Variants in ZNF780A observed in about 807,000 individuals in gnomAD.
ZNF780A encodes zinc finger protein 780A.
A neutral mutation model predicts 56.7 loss-of-function variants in ZNF780A; 40 were observed. The ratio of observed to expected loss-of-function variants is 0.71; its 90% confidence interval spans 0.55 to 0.92. ZNF780A has a LOEUF of 0.92. Among genes scored for constraint, ZNF780A ranks in the 40% least tolerant of loss-of-function variants. The pLI, the probability that ZNF780A is intolerant of heterozygous loss-of-function variation, is 0.00. For missense variants in ZNF780A, 672 were observed against 783.3 expected (o/e 0.86, Z 1.70); for synonymous variants, 231 against 248.3 (o/e 0.93, Z 0.66).
intron 3 of ZNF780A, among the ~76,000 whole-genome samples, chr19:40,084,114 C>T (rs1011609082): frequency 5.9e-5 from 9 of 151,904 alleles, no homozygotes; most frequent in African/African-American, 2.2e-4. Flanking sequence ...CCATGTTGGC[C>T]AGGCTGGTCT....
rs769361697 is a variant in ZNF780A, at chr19:40,076,105, T to G, written c.337A>C (p.Ile113Leu). Residue 113 changes from isoleucine to leucine, a missense_variant, in exon 6 of 6, where the codon ATT (isoleucine) becomes CTT (leucine). Physicochemically the swap from Ile to Leu is conservative, Grantham distance 5 (BLOSUM62 2). Coordinates refer to ENST00000683561, the MANE Select transcript of ZNF780A (RefSeq NM_001142578.2). ...TCATTTCTAAAATAAAAGGCCTCAA[T>G]GCCAAGAGTTGTACTTATTTGCTTT... ...VIKQISTTLG[I>L]EAFYFRNDSE... The G allele has an allele frequency of 1.9e-6, 3 of 1,613,762 alleles. No individual in the cohort carries two copies. Among genetic ancestry groups the G allele is most frequent in the South Asian group, 1.1e-5 (1 of 91,002 alleles).
Position 40,075,362 on chromosome 19 carries a change from G to A in ZNF780A, c.1080C>T (p.Pro360=), listed in dbSNP as rs1406058394. 2 of 1,613,644 alleles carry A rather than the reference G, an allele frequency of 1.2e-6. No homozygotes were observed. The highest frequency in any genetic ancestry group is 1.1e-5 in the South Asian group (1 of 91,062). The change falls in exon 6 of 6, where the codon CCC becomes CCT. Residue 360 remains proline (P), a synonymous_variant. Transcript: ENST00000683561. ...CCTTCCCACATTCCCTGCATTCAAA[G>A]GGTTTCTCACCAGTATGAATCTTCT... ...RHQKIHTGEK[P]FECRECGKAF...
At position 40,073,786 on chromosome 19, in the gene ZNF780A, G is replaced by GCT. The variant is rs1446398303; in HGVS notation, c.*728_*729dup. On this transcript the variant is annotated 3_prime_UTR_variant, in exon 6 of 6. Coordinates refer to ENST00000683561, the MANE Select transcript of ZNF780A (RefSeq NM_001142578.2). ...TTCACAAGATTTCTCATCAATATGAGCTCTCTGGTGTTGAGTAAATTTTTC... is the reference window on the plus strand; with the variant it reads ...TTCACAAGATTTCTCATCAATATGAGCTCTCTCTGGTGTTGAGTAAATTTTTC... 2 of 987,174 alleles carry GCT rather than the reference G, an allele frequency of 2.0e-6. No individual in the cohort carries two copies. Among genetic ancestry groups the GCT allele is most frequent in the Non-Finnish European group, 2.4e-6 (2 of 831,180 alleles). 61.2% of individuals were successfully genotyped at this position (987,174 alleles called of 1,614,324 possible).
chr19:40,075,101 A>G lies in ZNF780A; in HGVS notation c.1341T>C (p.Cys447=), dbSNP rs1403114958. The change falls in exon 6 of 6, where the codon TGT becomes TGC. Residue 447 remains cysteine (C), a synonymous_variant. Transcript: ENST00000683561. ...KIHSNEKPFV[C]RECEMAFRYH... The stretch of plus-strand genomic sequence containing the variant: ...ATCTAAAGGCCATCTCACATTCCCT[A>G]CATACAAAAGGTTTCTCATTGGAAT... 6.2e-7 allele frequency: 1 copy of G among 1,614,114 alleles called. No individual in the cohort carries two copies. The highest frequency in any genetic ancestry group is 8.5e-7 in the Non-Finnish European group (1 of 1,180,006).
At chr19:40,089,002 A>G (rs549719241) in intron 2 of ZNF780A, among the ~76,000 whole-genome samples, 12 of 152,312 alleles carry the variant, frequency 7.9e-5, no homozygotes, top group Admixed American at 7.2e-4. Context: ...GATCTGGGGT[A>G]ATGTGGGTGA....
rs114438426 is a variant in ZNF780A at position 40,080,032 on chromosome 19, A to G, written c.232+1787T>C. Among the ~76,000 whole-genome samples the G allele has an allele frequency of 2.4e-3, 371 of 152,220 alleles. 2 individuals are homozygous for G. The highest frequency in any genetic ancestry group is 8.6e-3 in the African/African-American group (358 of 41,584). On this transcript the variant is annotated intron_variant, in intron 5 of 5. Coordinates refer to ENST00000683561, the MANE Select transcript of ZNF780A (RefSeq NM_001142578.2). Reference sequence around the variant, plus strand: ...ACTAGCTAGACTAACCAAGAAGAAAAGAGAAGAAATAAGCAAAATCAGAAA... The same window carrying G: ...ACTAGCTAGACTAACCAAGAAGAAAGGAGAAGAAATAAGCAAAATCAGAAA...
At position 40,075,796 on chromosome 19, in the gene ZNF780A, T is replaced by C; in HGVS notation, c.646A>G (p.Thr216Ala). 1.2e-6 allele frequency: 2 copies of C among 1,613,830 alleles called. No homozygotes were observed. Among genetic ancestry groups the C allele is most frequent in the Non-Finnish European group, 1.7e-6 (2 of 1,179,918 alleles). The change falls in exon 6 of 6, where the codon ACT (threonine) becomes GCT (alanine). Residue 216 changes from threonine (T) to alanine (A), a missense_variant. Transcript: ENST00000683561. ...IQFTRHQKFH[T>A]GEKPFECNEC... The stretch of plus-strand genomic sequence containing the variant: ...TTACATTCAAAAGGTTTCTCACCAG[T>C]ATGAAATTTCTGATGTCGAGTAAAT...
chr19:40,072,818 T>G (rs202152059), downstream of ZNF780A: 380 of 1,499,746 alleles, frequency 2.5e-4, no homozygotes, highest in Non-Finnish European at 3.2e-4. Context: ...TAAGTGCCAC[T>G]GTTGATTCTA....
At chr19:40,090,878 A>G (rs1055887250) in intron 1 of ZNF780A, 28 bp downstream of exon 1, 1 of 152,384 alleles carries the variant, frequency 6.6e-6, no homozygotes, top group African/African-American at 2.4e-5. Context: ...GCAGCCACAG[A>G]TCTCTTCCTC....
Position 40,074,501 on chromosome 19 carries a change from C to G in ZNF780A, c.*15G>C. The stretch of plus-strand genomic sequence containing the variant: ...GTTTGAGACACGATTAAAGGACTTT[C>G]CACATTCCTTACATTCAAGATGCCT... On this transcript the variant is annotated 3_prime_UTR_variant, in exon 6 of 6. Transcript: ENST00000683561. 6.2e-7 allele frequency: 1 copy of G among 1,612,766 alleles called. No individual in the cohort carries two copies. The highest frequency in any genetic ancestry group is 8.5e-7 in the Non-Finnish European group (1 of 1,179,248).
At chr19:40,085,402 T>C (rs2074365351) in intron 2 of ZNF780A, 3 of 948,722 alleles carry the variant, frequency 3.2e-6, no homozygotes, top group South Asian at 4.9e-5. Flanking sequence ...GTTCAAGATA[T>C]ATGATTAACA....
In ZNF780A at chr19:40,085,986, T is replaced by TTA. The variant is rs150876631; in HGVS notation, c.-45-1190_-45-1189dup. Among the ~76,000 whole-genome samples, 1,018 of 150,372 alleles carry TTA rather than the reference T, an allele frequency of 6.8e-3. 5 individuals are homozygous for TTA. Among genetic ancestry groups the TTA allele is most frequent in the Non-Finnish European group, 0.012 (794 of 67,566 alleles). On this transcript the variant is annotated intron_variant, in intron 2 of 5. Coordinates refer to ENST00000683561, the MANE Select transcript of ZNF780A (RefSeq NM_001142578.2). ...TATATGTGTGTGTGTATATATATAT[T>TTA]TATATATATATATGTGTGTGTGTGT...
At chr19:40,084,667 A>G in intron 3 of ZNF780A, 78 bp downstream of exon 3, 2 of 1,434,190 alleles carry the variant, frequency 1.4e-6, no homozygotes, top group Non-Finnish European at 1.9e-6. Flanking sequence ...CTAGGTACGA[A>G]GCTTCAGGTT....
chr19:40,084,675 G>T, intron 3 of ZNF780A, 70 bp downstream of exon 3: 2 of 1,482,274 alleles, frequency 1.3e-6, no homozygotes, highest in Non-Finnish European at 1.8e-6. Flanking sequence ...GAAGCTTCAG[G>T]TTAAATAATA....
intron 5 of ZNF780A, among the ~76,000 whole-genome samples, chr19:40,079,383 G>C (rs1974345110): frequency 6.6e-6 from 1 of 151,368 alleles, no homozygotes; most frequent in African/African-American, 2.4e-5. Context: ...ATGTATTCCA[G>C]TGCAATAATC....
rs2144898201 is a variant in ZNF780A at position 40,074,225 on chromosome 19, CTG to C, written c.*289_*290del. Reference sequence around the variant, plus strand: ...TATGAATGACCTGAAGTCCAGCAAGCTGTGTCAGAAAACTGAAGGCCTTTCCA... The same window carrying C: ...TATGAATGACCTGAAGTCCAGCAAGCTGTCAGAAAACTGAAGGCCTTTCCA... On this transcript the variant is annotated 3_prime_UTR_variant, in exon 6 of 6. Coordinates refer to ENST00000683561, the MANE Select transcript of ZNF780A (RefSeq NM_001142578.2). The C allele has an allele frequency of 7.0e-7, 1 of 1,427,746 alleles. No individual in the cohort carries two copies. Among genetic ancestry groups the C allele is most frequent in the Non-Finnish European group, 9.2e-7 (1 of 1,081,790 alleles). The allele number at this position is 1,427,746 out of a possible 1,614,324, so 88.4% of individuals were successfully genotyped here.
intron 2 of ZNF780A, chr19:40,089,394 C>T (rs1487931339): frequency 1.0e-6 from 1 of 989,454 alleles, no homozygotes; most frequent in East Asian, 2.9e-5. Flanking sequence ...CAATGAATCA[C>T]ATATTCCCAA....
At chr19:40,072,508 C>T, downstream of ZNF780A, 1 of 170,136 alleles carries the variant, frequency 5.9e-6, no homozygotes, top group Non-Finnish European at 1.2e-5. Context: ...AAAGAAATAG[C>T]CAATCATCTA....
intron 2 of ZNF780A, among the ~76,000 whole-genome samples, chr19:40,086,568 T>A (rs922901559): frequency 3.3e-5 from 5 of 150,930 alleles, no homozygotes; most frequent in African/African-American, 1.2e-4. Flanking sequence ...CATGCTTGGT[T>A]CCCTTCTTCA....
Sources: allele counts gnomAD v4.1 joint callset (sites outside exome capture counted in the v4.1 genomes callset), GRCh38; gene constraint gnomAD v4.1.1; transcripts MANE v1.5; gene names NCBI Gene and HGNC (gene_info 2026-07-23, HGNC 2026-07-21).